Variants in MAMLD1 observed in about 807,000 individuals in gnomAD.
MAMLD1 encodes the protein mastermind-like domain-containing protein 1.
In MAMLD1, 14 loss-of-function variants were observed where a neutral mutation model predicts 45.0. The ratio of observed to expected loss-of-function variants is 0.31; its 90% CI spans 0.21 to 0.49. The LOEUF (loss-of-function observed/expected upper bound fraction) is 0.49, where lower values mean the gene tolerates loss of function less well. MAMLD1 is among the 20% of genes least tolerant of loss of function. The pLI is 0.99. For synonymous variants in MAMLD1, 254 were observed against 247.8 expected (o/e 1.02, Z -0.24); for missense variants, 543 against 603.6 (o/e 0.90, Z 1.05).
chrX:150,373,721 C>G (rs1273527265), intron 1 of MAMLD1, among the ~76,000 whole-genome samples: 2 of 111,897 alleles, frequency 1.8e-5, no homozygotes, highest in African/African-American at 6.5e-5. Flanking sequence ...CTCACACCCC[C>G]TCTCCACCTT....
At chrX:150,397,825 T>C (rs1448965526) in intron 1 of MAMLD1, among the ~76,000 whole-genome samples, 1 of 111,639 alleles carries the variant, frequency 9.0e-6, no homozygotes, top group African/African-American at 3.3e-5. Context: ...ATGAAATCTA[T>C]GTGTTAGATG....
intron 2 of MAMLD1, among the ~76,000 whole-genome samples, chrX:150,458,094 T>TG (rs2035927007): frequency 9.0e-6 from 1 of 111,155 alleles, no homozygotes; most frequent in Non-Finnish European, 1.9e-5. Flanking sequence ...ATCTACTAAG[T>TG]GGGGTCGATA....
chrX:150,504,603 G>C, intron 6 of MAMLD1: 1 of 537,475 alleles, frequency 1.9e-6, no homozygotes, highest in Non-Finnish European at 2.3e-6. Context: ...TAGCAAAACG[G>C]ACGTCGTCCC....
chrX:150,423,343 A>G (rs1012933832), intron 1 of MAMLD1, among the ~76,000 whole-genome samples: 2 of 54,584 alleles, frequency 3.7e-5, no homozygotes, highest in African/African-American at 1.5e-4. Context: ...GAAAAACATT[A>G]TACTCTGTGT....
chrX:150,411,346 G>C (rs1557402824), intron 1 of MAMLD1, among the ~76,000 whole-genome samples: 1 of 112,674 alleles, frequency 8.9e-6, no homozygotes, highest in African/African-American at 3.2e-5. Context: ...GCTCCAGGGA[G>C]CTGGCTCCAA....
chrX:150,376,691 C>G (rs974278965), intron 1 of MAMLD1, among the ~76,000 whole-genome samples: 3 of 111,497 alleles, frequency 2.7e-5, no homozygotes, highest in Middle Eastern at 4.6e-3. Flanking sequence ...CCCCCAACAT[C>G]CAAGGGTTCT....
chrX:150,386,104 CTT>C (rs35146517), intron 1 of MAMLD1, among the ~76,000 whole-genome samples: 1 of 102,469 alleles, frequency 9.8e-6, no homozygotes, highest in Non-Finnish European at 2.0e-5. Flanking sequence ...CAACACCCAT[CTT>C]TTTTTTTTTT....
chrX:150,489,537 C>G (rs1557407831), intron 5 of MAMLD1, among the ~76,000 whole-genome samples: 1 of 107,942 alleles, frequency 9.3e-6, no homozygotes, highest in African/African-American at 3.4e-5. Context: ...GACACAAATA[C>G]TAGGTAGGTG....
intron 1 of MAMLD1, among the ~76,000 whole-genome samples, chrX:150,406,129 T>G (rs1246464056): frequency 3.6e-5 from 4 of 111,388 alleles, no homozygotes; most frequent in Non-Finnish European, 7.5e-5. Flanking sequence ...CAGTTGATCT[T>G]TACTGAGTTC....
At chrX:150,380,445 A>G (rs2032546512) in intron 1 of MAMLD1, among the ~76,000 whole-genome samples, 1 of 110,567 alleles carries the variant, frequency 9.0e-6, no homozygotes, top group Non-Finnish European at 1.9e-5. Flanking sequence ...TATTTGTGAT[A>G]TATGTTGCAA....
intron 5 of MAMLD1, among the ~76,000 whole-genome samples, chrX:150,481,836 TAAAA>T (rs199580189): frequency 3.0e-5 from 1 of 33,763 alleles, no homozygotes; most frequent in Non-Finnish European, 6.2e-5. Flanking sequence ...TCTCAAAAAA[TAAAA>T]AAAAAGAAAG....
chrX:150,431,883 G>A (rs782430448), intron 1 of MAMLD1, among the ~76,000 whole-genome samples: 22 of 111,292 alleles, frequency 2.0e-4, no homozygotes, highest in Non-Finnish European at 3.4e-4. Context: ...ATGAACACAT[G>A]CGTGTGTGTG....
In MAMLD1 at chrX:150,446,599, T is replaced by C. The variant is rs782152183; in HGVS notation, c.96+987T>C. Among the ~76,000 whole-genome samples, 10 of 112,612 alleles carry C rather than the reference T, an allele frequency of 8.9e-5. No homozygotes were observed. In the East Asian group the frequency reaches 2.8e-3, roughly 31 times the overall value. ...TCATTGTCAACCACCAACAATGTAT[T>C]GAGAATGTGCTATCAAGTTGAGCAT... On this transcript the variant is annotated intron_variant, in intron 2 of 7. Transcript: ENST00000370401.
At chrX:150,362,804 C>G (rs1195083329), upstream of MAMLD1, 1 of 112,719 alleles carries the variant, frequency 8.9e-6, no homozygotes, top group African/African-American at 3.2e-5. Context: ...CTGCTGTCGC[C>G]TCTTTCCACC....
At chrX:150,393,115 C>T (rs192749948) in intron 1 of MAMLD1, among the ~76,000 whole-genome samples, 1 of 112,013 alleles carries the variant, frequency 8.9e-6, no homozygotes, top group East Asian at 2.8e-4. Flanking sequence ...TTTATCCCTC[C>T]CTTCCAATCC....
intron 1 of MAMLD1, among the ~76,000 whole-genome samples, chrX:150,389,608 T>C (rs1304078334): frequency 8.9e-6 from 1 of 112,309 alleles, no homozygotes; most frequent in Non-Finnish European, 1.9e-5. Flanking sequence ...CGTAATATGC[T>C]GTTGCTGGAT....
At chrX:150,482,857 G>A (rs1409359299) in intron 5 of MAMLD1, among the ~76,000 whole-genome samples, 1 of 112,397 alleles carries the variant, frequency 8.9e-6, no homozygotes, top group Non-Finnish European at 1.9e-5. Flanking sequence ...CGTAGGTGGG[G>A]GAAACAAAGA....
rs782069406 is a variant in MAMLD1, at chrX:150,510,031, ATGAGTCCAT to A, written c.*31_*39del. The stretch of plus-strand genomic sequence containing the variant: ...GCAGAATGCATATATCTCCCAACAG[ATGAGTCCAT>A]TTGAAGGTAAGCAGTTAAGGCCAGT... On this transcript the variant is annotated 3_prime_UTR_variant, in exon 7 of 8. Transcript: ENST00000370401. 8 of 1,200,299 alleles carry A rather than the reference ATGAGTCCAT, an allele frequency of 6.7e-6. No individual in the cohort carries two copies. Among genetic ancestry groups the A allele is most frequent in the Non-Finnish European group, 9.0e-6 (8 of 886,220 alleles).
chrX:150,421,134 C>G (rs2034494349), intron 1 of MAMLD1: 1 of 114,896 alleles, frequency 8.7e-6, no homozygotes, highest in Non-Finnish European at 1.8e-5. Context: ...GATATAATCT[C>G]GTGGTGCGCC....
Sources: allele counts gnomAD v4.1 joint callset (sites outside exome capture counted in the v4.1 genomes callset), GRCh38; gene constraint gnomAD v4.1.1; transcripts MANE v1.5; gene names NCBI Gene and HGNC (gene_info 2026-07-23, HGNC 2026-07-21).